The following LTBP1 variants were observed in gnomAD, a reference collection of about 807,000 sequenced individuals.
The protein encoded by LTBP1 is latent-transforming growth factor beta-binding protein 1.
LTBP1 carries 129 observed loss-of-function variants against 207.6 expected under a neutral mutation model. The observed-to-expected ratio is 0.62, with a 90% CI of 0.54 to 0.72. LTBP1 has a LOEUF of 0.72. Ranked by LOEUF, LTBP1 falls within the 30% of genes least tolerant of loss-of-function variation. The probability of loss-of-function intolerance (pLI) is 0.00; values close to 1 mark genes in which losing one functional copy is unlikely to be tolerated. For missense variants in LTBP1, 2,281 were observed against 2,217.2 expected (o/e 1.03, Z -0.58); for synonymous variants, 963 against 833.7 (o/e 1.16, Z -2.67).
At position 33,354,478 on chromosome 2, in the gene LTBP1, TA is replaced by T. The variant is rs909243263; in HGVS notation, c.4001-6109del. On this transcript the variant is annotated intron_variant, in intron 26 of 33. Transcript: ENST00000404816. ...GCTGAGGAAAATACGTTCATTTGTT[TA>T]AAAAAAAAATATCTAGTCAAGTTTC... Among the ~76,000 whole-genome samples the T allele has an allele frequency of 2.9e-3, 433 of 150,166 alleles. 1 individual carries two copies. The highest frequency in any genetic ancestry group is 9.8e-3 in the African/African-American group (404 of 41,058).
chr2:32,968,917 AT>A (rs61065758), intron 2 of LTBP1, among the ~76,000 whole-genome samples: 7,745 of 107,238 alleles, frequency 0.072, 431 homozygotes, highest in East Asian at 0.3. Flanking sequence ...GTGTGTGTGT[AT>A]TTTTTTTTTT....
At chr2:33,131,004 G>T (rs1241279517) in intron 4 of LTBP1, among the ~76,000 whole-genome samples, 1 of 152,082 alleles carries the variant, frequency 6.6e-6, no homozygotes, top group East Asian at 1.9e-4. Context: ...TAATCACCTG[G>T]TAGGTGCCAC....
At chr2:33,187,849 T>C (rs2087372321) in intron 6 of LTBP1, among the ~76,000 whole-genome samples, 1 of 152,190 alleles carries the variant, frequency 6.6e-6, no homozygotes, top group South Asian at 2.1e-4. Flanking sequence ...AACTGGGTTT[T>C]CTCTTTTAAT....
intron 12 of LTBP1, among the ~76,000 whole-genome samples, chr2:33,258,559 G>A (rs2092923056): frequency 6.6e-6 from 1 of 152,086 alleles, no homozygotes; most frequent in African/African-American, 2.4e-5. Context: ...AACCTCAGCT[G>A]GAATCAACAG....
intron 7 of LTBP1, among the ~76,000 whole-genome samples, chr2:33,206,870 T>C (rs2089925063): frequency 6.8e-6 from 1 of 146,610 alleles, no homozygotes; most frequent in African/African-American, 2.8e-5. Context: ...ACATGAGTCT[T>C]TCTTTTTAGA....
intron 2 of LTBP1, among the ~76,000 whole-genome samples, chr2:32,996,372 C>A (rs1009837980): frequency 6.6e-6 from 1 of 152,126 alleles, no homozygotes; most frequent in Non-Finnish European, 1.5e-5. Flanking sequence ...ATCCTTATGA[C>A]CTAATCACCC....
intron 21 of LTBP1, among the ~76,000 whole-genome samples, chr2:33,301,314 A>G (rs1237099015): frequency 6.6e-6 from 1 of 152,222 alleles, no homozygotes; most frequent in Non-Finnish European, 1.5e-5. Flanking sequence ...TGTTTCATAA[A>G]TAAACAATAT....
At chr2:33,196,339 TTATAAA>T (rs1573106404) in intron 7 of LTBP1, among the ~76,000 whole-genome samples, 1 of 152,318 alleles carries the variant, frequency 6.6e-6, no homozygotes, top group South Asian at 2.1e-4. Context: ...TTTCCTAGAC[TTATAAA>T]TAGAATAGTA....
rs1031987357 is a variant in LTBP1, at chr2:33,157,462, G to A, written c.1201+22502G>A. 4.6e-5 allele frequency among the ~76,000 whole-genome samples: 7 copies of A among 152,322 alleles called. No homozygotes were observed. The South Asian group carries it at 1.0e-3, about 23-fold the overall frequency. On this transcript the variant is annotated intron_variant, in intron 5 of 33. Coordinates refer to ENST00000404816, the MANE Select transcript of LTBP1 (RefSeq NM_206943.4). ...AAGTGAATGGGAAGCCCTTAGAGCT[G>A]AAAGTAGCTTGGAGAGCATCTCATT...
At chr2:33,133,170 T>A (rs1271496644) in intron 4 of LTBP1, among the ~76,000 whole-genome samples, 3 of 152,214 alleles carry the variant, frequency 2.0e-5, no homozygotes, top group Non-Finnish European at 4.4e-5. Flanking sequence ...GAATGGCTTC[T>A]TTGGTTAAAG....
intron 7 of LTBP1, among the ~76,000 whole-genome samples, chr2:33,215,152 AATAATG>A (rs2149333950): frequency 6.6e-6 from 1 of 152,236 alleles, no homozygotes; most frequent in South Asian, 2.1e-4. Flanking sequence ...TAATAATAAT[AATAATG>A]ATAATGGTAA....
At chr2:33,326,271 T>C (rs2094425787) in intron 24 of LTBP1, among the ~76,000 whole-genome samples, 1 of 152,160 alleles carries the variant, frequency 6.6e-6, no homozygotes, top group African/African-American at 2.4e-5. Context: ...CTCCACCCCG[T>C]TTCTCCATTC....
rs1001511594 is a variant in LTBP1 at position 33,134,214 on chromosome 2, C to T, written c.1034-579C>T. ...GAGTTGTGAAAAAGAAATGGGCTCCCGCAGCTGCGTCACAGCATTTGATCA... is the reference window on the plus strand; with the variant it reads ...GAGTTGTGAAAAAGAAATGGGCTCCTGCAGCTGCGTCACAGCATTTGATCA... On this transcript the variant is annotated intron_variant, in intron 4 of 33. Transcript: ENST00000404816. This position sits in a 1 kb window ranked among gnomAD's most constrained non-coding sequence, Gnocchi z 4.4. 4.6e-5 allele frequency among the ~76,000 whole-genome samples: 7 copies of T among 152,266 alleles called. No homozygotes were observed. Among genetic ancestry groups the T allele is most frequent in the East Asian group, 1.9e-4 (1 of 5,184 alleles).
chr2:33,128,894 C>A (rs2081598032), intron 4 of LTBP1, among the ~76,000 whole-genome samples: 1 of 152,226 alleles, frequency 6.6e-6, no homozygotes, highest in African/African-American at 2.4e-5. Flanking sequence ...ATTTCAAATA[C>A]TACTATCCCT....
At chr2:33,180,189 A>G (rs1003036375) in intron 5 of LTBP1, among the ~76,000 whole-genome samples, 8 of 152,332 alleles carry the variant, frequency 5.3e-5, no homozygotes, top group Admixed American at 5.2e-4. Flanking sequence ...CCGAGTCAGT[A>G]TAAGTTAACA....
chr2:33,205,819 A>G (rs1056704548), intron 7 of LTBP1, among the ~76,000 whole-genome samples: 7 of 152,150 alleles, frequency 4.6e-5, no homozygotes, highest in Admixed American at 4.6e-4. Context: ...TCATAAGGGC[A>G]GGGCCCTGAT....
At chr2:33,252,126 G>A (rs1400244180) in intron 10 of LTBP1, among the ~76,000 whole-genome samples, 3 of 152,112 alleles carry the variant, frequency 2.0e-5, no homozygotes, top group African/African-American at 4.8e-5. Flanking sequence ...TGTGGCACTC[G>A]AAATCAGAAA....
chr2:33,127,553 C>G lies in LTBP1; in HGVS notation c.1034-7240C>G, dbSNP rs75889072. 5.3e-5 allele frequency among the ~76,000 whole-genome samples: 8 copies of G among 152,318 alleles called. No homozygotes were observed. In the East Asian group the frequency reaches 1.5e-3, roughly 29 times the overall value. On this transcript the variant is annotated intron_variant, in intron 4 of 33. Transcript: ENST00000404816. ...TATTCCATTCCCATGACACTCCCCTCTTACCACATTCTCTCTTCCAGTCCT... is the reference window on the plus strand; with the variant it reads ...TATTCCATTCCCATGACACTCCCCTGTTACCACATTCTCTCTTCCAGTCCT...
intron 15 of LTBP1, among the ~76,000 whole-genome samples, chr2:33,268,396 A>G (rs1573525894): frequency 6.6e-6 from 1 of 152,372 alleles, no homozygotes; most frequent in East Asian, 1.9e-4. Context: ...GTCTAAAATG[A>G]ATACCATCAG....
Sources: gnomAD v4.1 joint callset for allele counts (sites outside exome capture counted in the v4.1 genomes callset) on GRCh38, gnomAD v4.1.1 for gene constraint, Gnocchi (gnomAD v3.1) non-coding constraint, MANE v1.5 for transcripts, NCBI Gene and HGNC (gene_info 2026-07-23, HGNC 2026-07-21) for gene names.